ADGRG6: variants seen among roughly 807,000 people sequenced by gnomAD.
The protein encoded by ADGRG6 is G-protein coupled receptor 126.
In ADGRG6, 84 loss-of-function variants were observed where a neutral mutation model predicts 142.4. The ratio of observed to expected loss-of-function variants is 0.59; its 90% CI spans 0.49 to 0.71. The LOEUF (loss-of-function observed/expected upper bound fraction) is 0.71. ADGRG6 is among the 30% of genes least tolerant of loss of function. The probability of loss-of-function intolerance (pLI) is 0.00; values close to 1 mark genes in which losing one functional copy is unlikely to be tolerated. For synonymous variants in ADGRG6, 521 were observed against 520.5 expected (o/e 1.00, Z -0.01); for missense variants, 1,367 against 1,466.6 (o/e 0.93, Z 1.11).
chr6:142,417,279 C>CTGCCTTAGTGGTGTCAGT lies in ADGRG6; in HGVS notation c.2948_2965dup (p.Ala983_Val988dup). 6.3e-7 allele frequency: 1 copy of CTGCCTTAGTGGTGTCAGT among 1,582,376 alleles called. No homozygotes were observed. Among genetic ancestry groups the CTGCCTTAGTGGTGTCAGT allele is most frequent in the Non-Finnish European group, 8.7e-7 (1 of 1,153,012 alleles). ...CATGGTGTTTTTGTAACAGGTTTGCCTGCCTTAGTGGTGTCAGTTGTTCTA... is the reference window on the plus strand; with the variant it reads ...CATGGTGTTTTTGTAACAGGTTTGCCTGCCTTAGTGGTGTCAGTTGCCTTAGTGGTGTCAGTTGTTCTA... On this transcript the variant is annotated inframe_insertion, in exon 21 of 25. Transcript: ENST00000367609.
At position 142,367,723 on chromosome 6, in the gene ADGRG6, T is replaced by G; in HGVS notation, c.258T>G (p.Phe86Leu). The stretch of plus-strand genomic sequence containing the variant: ...TCATTCAGATAACATTTAACGACTT[T>G]GACATTGAAGAAGCTCCCAATTGCA... ...GYIIQITFNDFDIEEAPNCIY... is the reference protein window; with the variant it reads ...GYIIQITFNDLDIEEAPNCIY... The change falls in exon 3 of 25, where the codon TTT becomes TTG. Residue 86 changes from phenylalanine to leucine, a missense_variant. Physicochemically the swap from Phe to Leu is conservative, Grantham distance 22. Coordinates refer to ENST00000367609, the MANE Select transcript of ADGRG6 (RefSeq NM_198569.3). The G allele has an allele frequency of 6.2e-7, 1 of 1,613,980 alleles. No individual in the cohort carries two copies. Among genetic ancestry groups the G allele is most frequent in the Non-Finnish European group, 8.5e-7 (1 of 1,179,864 alleles).
intron 2 of ADGRG6, among the ~76,000 whole-genome samples, chr6:142,318,271 T>A (rs868255148): frequency 3.3e-4 from 25 of 76,060 alleles, no homozygotes; most frequent in Middle Eastern, 7.8e-3. Context: ...ATTATATATA[T>A]TTATATTATA....
intron 2 of ADGRG6, among the ~76,000 whole-genome samples, chr6:142,343,475 A>G (rs568206225): frequency 6.6e-6 from 1 of 151,840 alleles, no homozygotes; most frequent in Admixed American, 6.6e-5. Context: ...ATTTTTCCTC[A>G]TGATCTTATT....
intron 2 of ADGRG6, among the ~76,000 whole-genome samples, chr6:142,335,369 A>T (rs758553201): frequency 2.6e-5 from 4 of 152,138 alleles, no homozygotes; most frequent in Non-Finnish European, 4.4e-5. Flanking sequence ...GAAGTAGAAA[A>T]AGTTAGGTGA....
At chr6:142,337,983 C>T (rs144727631) in intron 2 of ADGRG6, among the ~76,000 whole-genome samples, 1 of 135,114 alleles carries the variant, frequency 7.4e-6, no homozygotes, top group Admixed American at 7.3e-5. Context: ...AACAAATGTT[C>T]TGACACTAAA....
intron 2 of ADGRG6, among the ~76,000 whole-genome samples, chr6:142,326,567 C>T (rs753905384): frequency 2.0e-5 from 3 of 151,440 alleles, no homozygotes; most frequent in Non-Finnish European, 4.4e-5. Context: ...GAGTGTCACA[C>T]TGAATACCAA....
chr6:142,393,150 A>C (rs1774988623), intron 8 of ADGRG6, 150 bp downstream of exon 8: 1 of 540,226 alleles, frequency 1.9e-6, no homozygotes, highest in Non-Finnish European at 3.3e-6. Flanking sequence ...GTATTAGTTC[A>C]TTGCACAAAA....
At chr6:142,374,725 GTCTCCTT>G (rs1781415861) in intron 4 of ADGRG6, among the ~76,000 whole-genome samples, 1 of 152,072 alleles carries the variant, frequency 6.6e-6, no homozygotes, top group Non-Finnish European at 1.5e-5. Flanking sequence ...CGTGTCTCCT[GTCTCCTT>G]GTCTAGTATT....
intron 3 of ADGRG6, 128 bp from the exon 4 acceptor site, chr6:142,370,042 G>T (rs1041177573): frequency 3.2e-6 from 2 of 631,668 alleles, no homozygotes; most frequent in African/African-American, 3.6e-5. Flanking sequence ...AGTAAGAGGG[G>T]AGGGATGGGG....
chr6:142,329,569 A>G lies in ADGRG6; in HGVS notation c.103+19925A>G, dbSNP rs868099993. The stretch of plus-strand genomic sequence containing the variant: ...CCTTACTAAAACAAAAATTGTCACA[A>G]CGTGAGTGAATTTAATATAAACTAG... On this transcript the variant is annotated intron_variant, in intron 2 of 24. Transcript: ENST00000367609. 4.6e-5 allele frequency among the ~76,000 whole-genome samples: 7 copies of G among 152,278 alleles called. No individual in the cohort carries two copies. The East Asian group carries it at 7.7e-4, about 17-fold the overall frequency.
chr6:142,326,342 T>G (rs1386961230), intron 2 of ADGRG6, among the ~76,000 whole-genome samples: 1 of 152,044 alleles, frequency 6.6e-6, no homozygotes, highest in East Asian at 1.9e-4. Flanking sequence ...ATAAGTGATT[T>G]CTAGTTGTGT....
intron 22 of ADGRG6, among the ~76,000 whole-genome samples, chr6:142,421,398 A>C (rs1002711402): frequency 2.0e-5 from 3 of 152,206 alleles, no homozygotes; most frequent in African/African-American, 7.2e-5. Context: ...AATAAGCCTC[A>C]AGTGCAACTC....
At chr6:142,352,827 CTT>C (rs761766238) in intron 2 of ADGRG6, among the ~76,000 whole-genome samples, 9 of 151,926 alleles carry the variant, frequency 5.9e-5, no homozygotes, top group Non-Finnish European at 1.2e-4. Context: ...AAACTTGTCT[CTT>C]CTTATGAATT....
intron 20 of ADGRG6, chr6:142,416,980 A>G: frequency 2.4e-6 from 1 of 417,540 alleles, no homozygotes; most frequent in Non-Finnish European, 4.5e-6. Flanking sequence ...TTTGATACAA[A>G]TCAGGTTTAG....
chr6:142,309,103 G>C (rs1399417916), intron 1 of ADGRG6, among the ~76,000 whole-genome samples: 1 of 151,822 alleles, frequency 6.6e-6, no homozygotes, highest in Non-Finnish European at 1.5e-5. Context: ...CGTTTGTAAA[G>C]CAGCAGACAT....
intron 2 of ADGRG6, among the ~76,000 whole-genome samples, chr6:142,339,301 A>G (rs901676644): frequency 2.0e-5 from 3 of 152,232 alleles, no homozygotes; most frequent in Non-Finnish European, 2.9e-5. Context: ...CTGGGGCGTA[A>G]CAAAAATATG....
chr6:142,419,176 A>G (rs1435464722), intron 21 of ADGRG6, among the ~76,000 whole-genome samples: 2 of 152,178 alleles, frequency 1.3e-5, no homozygotes, highest in South Asian at 2.1e-4. Context: ...CTCTTTGCAC[A>G]TGACAAGAAA....
chr6:142,404,227 G>A (rs891238622), intron 14 of ADGRG6: 1 of 444,198 alleles, frequency 2.3e-6, no homozygotes, highest in Non-Finnish European at 4.0e-6. Flanking sequence ...AGCATGAGTA[G>A]GGGCCACCAT....
At chr6:142,359,413 C>T (rs1206839580) in intron 2 of ADGRG6, among the ~76,000 whole-genome samples, 4 of 152,052 alleles carry the variant, frequency 2.6e-5, no homozygotes, top group African/African-American at 4.8e-5. Context: ...TCCAGCTGAA[C>T]TAAATCTTAA....
Sources: gnomAD v4.1 joint callset for allele counts (sites outside exome capture counted in the v4.1 genomes callset) on GRCh38, gnomAD v4.1.1 for gene constraint, MANE v1.5 for transcripts, NCBI Gene and HGNC (gene_info 2026-07-23, HGNC 2026-07-21) for gene names.